Variants in CTIF observed in about 807,000 individuals in gnomAD.
The protein encoded by CTIF is CBP80/20-dependent translation initiation factor.
A neutral mutation model predicts 66.0 loss-of-function variants in CTIF; 21 were observed. The ratio of observed to expected loss-of-function variants is 0.32; its 90% confidence interval spans 0.23 to 0.46. The LOEUF is 0.46. CTIF is among the 20% of genes least tolerant of loss of function. CTIF has a pLI of 1.00. For synonymous variants in CTIF, 345 were observed against 326.4 expected (o/e 1.06, Z -0.62); for missense variants, 739 against 812.7 (o/e 0.91, Z 1.10).
intron 7 of CTIF, among the ~76,000 whole-genome samples, chr18:48,726,779 G>A (rs574375466): frequency 6.6e-6 from 1 of 152,200 alleles, no homozygotes; most frequent in East Asian, 1.9e-4. Flanking sequence ...GTACAGTGTG[G>A]GAGGGGACTT....
chr18:48,579,032 C>A (rs2089595618), intron 1 of CTIF, among the ~76,000 whole-genome samples: 1 of 151,840 alleles, frequency 6.6e-6, no homozygotes, highest in Non-Finnish European at 1.5e-5. Context: ...ATGTTGTGAG[C>A]TAGAGGTTCA....
At chr18:48,797,344 G>T (rs1254061890) in intron 9 of CTIF, among the ~76,000 whole-genome samples, 1 of 152,114 alleles carries the variant, frequency 6.6e-6, no homozygotes, top group Non-Finnish European at 1.5e-5. Context: ...TTAGCTGGGG[G>T]TGGTGGTGCG....
intron 7 of CTIF, among the ~76,000 whole-genome samples, chr18:48,728,046 G>T (rs2092400535): frequency 1.3e-5 from 2 of 152,100 alleles, no homozygotes; most frequent in Non-Finnish European, 2.9e-5. Context: ...CAGGACCCTG[G>T]CTAAAAACTT....
chr18:48,627,371 G>A (rs1021153454), intron 2 of CTIF, among the ~76,000 whole-genome samples: 5 of 152,132 alleles, frequency 3.3e-5, no homozygotes, highest in Admixed American at 3.3e-4. Flanking sequence ...GAAATGGGAT[G>A]TTAGAAGGTG....
chr18:48,636,458 G>C, intron 2 of CTIF, among the ~76,000 whole-genome samples, 156 bp from the exon 3 acceptor site: 1 of 152,196 alleles, frequency 6.6e-6, no homozygotes, highest in East Asian at 1.9e-4. Context: ...ATGCCAAATT[G>C]GGTCTGATGG....
At chr18:48,857,551 C>T in intron 10 of CTIF, 37 bp from the exon 11 acceptor site, 1 of 1,585,012 alleles carries the variant, frequency 6.3e-7, no homozygotes, top group Non-Finnish European at 8.6e-7. Flanking sequence ...GCCGGCATGT[C>T]TCCTTCAGTG....
At chr18:48,596,188 A>C (rs1321667317) in intron 1 of CTIF, among the ~76,000 whole-genome samples, 1 of 152,238 alleles carries the variant, frequency 6.6e-6, no homozygotes, top group Non-Finnish European at 1.5e-5. Context: ...AGAAAATCCA[A>C]AGAACAGAGG....
chr18:48,712,905 G>A (rs1488689354), intron 7 of CTIF, among the ~76,000 whole-genome samples: 1 of 152,230 alleles, frequency 6.6e-6, no homozygotes, highest in Admixed American at 6.5e-5. Flanking sequence ...CATTCACAGA[G>A]GATGGCAAAT....
At position 48,752,945 on chromosome 18, in the gene CTIF, A is replaced by G. The variant is rs574222846; in HGVS notation, c.585-4974A>G. The stretch of plus-strand genomic sequence containing the variant: ...TTTTAAGCTTCCCCATCATTCTGCA[A>G]ACTGGGGTGGGTGTGTGTGGCGACT... On this transcript the variant is annotated intron_variant, in intron 7 of 11. Transcript: ENST00000256413. Among the ~76,000 whole-genome samples, 8 of 152,278 alleles carry G rather than the reference A, an allele frequency of 5.3e-5. No homozygotes were observed. In the East Asian group the frequency reaches 5.8e-4, roughly 11 times the overall value.
At chr18:48,658,228 GT>G (rs2091277392) in intron 3 of CTIF, among the ~76,000 whole-genome samples, 1 of 151,910 alleles carries the variant, frequency 6.6e-6, no homozygotes, top group African/African-American at 2.4e-5. Flanking sequence ...ATATGTGTGT[GT>G]GTGTATATGC....
chr18:48,744,974 C>T (rs1410839898), intron 7 of CTIF, among the ~76,000 whole-genome samples: 4 of 152,128 alleles, frequency 2.6e-5, no homozygotes, highest in African/African-American at 4.8e-5. Flanking sequence ...AGGTGCACAC[C>T]ACCACACCCG....
intron 1 of CTIF, chr18:48,568,354 A>G (rs2089323340): frequency 6.6e-6 from 1 of 152,082 alleles, no homozygotes; most frequent in African/African-American, 2.4e-5. Context: ...CAGCAGCCCC[A>G]TGAGGTGGGG....
intron 9 of CTIF, among the ~76,000 whole-genome samples, chr18:48,774,438 A>G (rs1197998866): frequency 6.6e-6 from 1 of 152,094 alleles, no homozygotes; most frequent in Non-Finnish European, 1.5e-5. Context: ...ATCAGGGTGC[A>G]GAGCTCTGAG....
chr18:48,686,180 A>G (rs2091837946), intron 6 of CTIF, among the ~76,000 whole-genome samples: 2 of 152,224 alleles, frequency 1.3e-5, no homozygotes, highest in South Asian at 2.1e-4. Flanking sequence ...GCTTTCTGCT[A>G]TAAAGATCTT....
intron 5 of CTIF, among the ~76,000 whole-genome samples, chr18:48,665,671 A>G (rs944590872): frequency 1.3e-5 from 2 of 152,124 alleles, no homozygotes; most frequent in African/African-American, 4.8e-5. Flanking sequence ...GCAACCACCA[A>G]TCTGCTTTCT....
rs945865407 is a variant in CTIF, at chr18:48,861,066, C to A, written c.*1507C>A. 2 of 152,268 alleles carry A rather than the reference C, an allele frequency of 1.3e-5. No homozygotes were observed. The highest frequency in any genetic ancestry group is 2.9e-5 in the Non-Finnish European group (2 of 68,092). 9.4% of individuals were successfully genotyped at this position (152,268 alleles called of 1,614,324 possible). A position where few individuals can be genotyped will look rare whatever the true frequency, so the allele number is the denominator to read the frequency against. ...CAGGCCCTGGGTCACTTTGGAGGCC[C>A]CTCTTGGTCCACACTGGACTGGCCG... On this transcript the variant is annotated 3_prime_UTR_variant, in exon 12 of 12. Coordinates refer to ENST00000256413, the MANE Select transcript of CTIF (RefSeq NM_014772.3).
At chr18:48,648,468 A>AACACAC (rs150332855) in intron 3 of CTIF, among the ~76,000 whole-genome samples, 20,086 of 148,300 alleles carry the variant, frequency 0.14, 1,711 homozygotes, top group East Asian at 0.42. Context: ...CTTCGTTCTG[A>AACACAC]ACACACACAC....
chr18:48,636,550 C>T, intron 2 of CTIF, 64 bp from the exon 3 acceptor site: 1 of 1,256,298 alleles, frequency 8.0e-7, no homozygotes, highest in Non-Finnish European at 1.1e-6. Flanking sequence ...ACTCCTGCAG[C>T]CTGGCAGAGT....
At position 48,820,269 on chromosome 18, in the gene CTIF, G is replaced by A. The variant is rs183461394; in HGVS notation, c.1527+2893G>A. On this transcript the variant is annotated intron_variant, in intron 10 of 11. Transcript: ENST00000256413. The stretch of plus-strand genomic sequence containing the variant: ...CCTTGTGAACAGCCTGTTGCCTTTC[G>A]CAGCTCCGTAGGGACCCCTGAATTC... Among the ~76,000 whole-genome samples, 284 of 152,228 alleles carry A rather than the reference G, an allele frequency of 1.9e-3. 1 individual carries two copies. Among genetic ancestry groups the A allele is most frequent in the African/African-American group, 6.2e-3 (258 of 41,530 alleles).
Sources: allele counts gnomAD v4.1 joint callset (sites outside exome capture counted in the v4.1 genomes callset), GRCh38; gene constraint gnomAD v4.1.1; transcripts MANE v1.5; gene names NCBI Gene and HGNC (gene_info 2026-07-23, HGNC 2026-07-21).